The following SNX13 variants were observed in gnomAD, a reference collection of about 807,000 sequenced individuals.
SNX13 encodes sorting nexin-13.
In SNX13, 45 loss-of-function variants were observed where a neutral mutation model predicts 133.6. That is an observed-to-expected ratio of 0.34 (90% CI 0.27 to 0.43). The LOEUF is 0.43. Among genes scored for constraint, SNX13 ranks in the 20% least tolerant of loss-of-function variants. The pLI, the probability that SNX13 is intolerant of heterozygous loss-of-function variation, is 1.00. For synonymous variants in SNX13, 414 were observed against 373.9 expected (o/e 1.11, Z -1.24); for missense variants, 1,032 against 1,145.1 (o/e 0.90, Z 1.43).
intron 20 of SNX13, among the ~76,000 whole-genome samples, chr7:17,809,400 G>T (rs1023326176): frequency 6.6e-6 from 1 of 151,722 alleles, no homozygotes; most frequent in Non-Finnish European, 1.5e-5. Context: ...ATTACATAAT[G>T]GTAAAGGGAT....
At chr7:17,802,390 G>GT (rs1477655766) in intron 21 of SNX13, among the ~76,000 whole-genome samples, 1 of 152,064 alleles carries the variant, frequency 6.6e-6, no homozygotes, top group Middle Eastern at 3.2e-3. Flanking sequence ...ATGTTAATAT[G>GT]TTTAAGAAAT....
chr7:17,906,443 C>T (rs1798406396), intron 1 of SNX13, among the ~76,000 whole-genome samples: 2 of 151,760 alleles, frequency 1.3e-5, no homozygotes, highest in South Asian at 2.1e-4. Flanking sequence ...ATGTACCACA[C>T]AATTTAAAAA....
At chr7:17,898,907 A>T (rs1583681538) in intron 1 of SNX13, 1 of 152,174 alleles carries the variant, frequency 6.6e-6, no homozygotes, top group East Asian at 1.9e-4. Context: ...GGCCACTTTT[A>T]TCTTTTAACC....
intron 10 of SNX13, 71 bp from the exon 11 acceptor site, chr7:17,850,506 T>TA: frequency 1.1e-6 from 1 of 910,116 alleles, no homozygotes; most frequent in Non-Finnish European, 1.6e-6. Flanking sequence ...ATGCACTTAC[T>TA]GTAATTTAAC....
At chr7:17,936,672 A>C (rs1156424342) in intron 1 of SNX13, among the ~76,000 whole-genome samples, 1 of 152,190 alleles carries the variant, frequency 6.6e-6, no homozygotes, top group Non-Finnish European at 1.5e-5. Context: ...TCCTGGTATC[A>C]AGAAAAGTTT....
At chr7:17,899,584 A>C (rs1316774017) in intron 1 of SNX13, 1 of 151,654 alleles carries the variant, frequency 6.6e-6, no homozygotes, top group Non-Finnish European at 1.5e-5. Flanking sequence ...AATTCTGTTA[A>C]GAAATTCTGA....
chr7:17,803,632 T>A, intron 20 of SNX13, 52 bp from the exon 21 acceptor site: 3 of 1,494,056 alleles, frequency 2.0e-6, no homozygotes, highest in Non-Finnish European at 2.7e-6. Context: ...AGAGTTGTTA[T>A]CCAAATGACA....
intron 8 of SNX13, among the ~76,000 whole-genome samples, chr7:17,871,677 C>G (rs73308188): frequency 6.6e-6 from 1 of 152,170 alleles, no homozygotes; most frequent in African/African-American, 2.4e-5. Context: ...AATTTTCCAT[C>G]CACTGATCCC....
chr7:17,899,363 G>C lies in SNX13; in HGVS notation c.13-1917C>G, dbSNP rs1410800875. On this transcript the variant is annotated intron_variant, in intron 1 of 25. Transcript: ENST00000428135. Reference sequence around the variant, plus strand: ...TATTGATATCTTTTACTAGGTTTGAGAGGCTCTCTGTTATTATCTATCTGA... The same window carrying C: ...TATTGATATCTTTTACTAGGTTTGACAGGCTCTCTGTTATTATCTATCTGA... 3.9e-5 allele frequency: 6 copies of C among 152,168 alleles called. No homozygotes were observed. In the South Asian group the frequency reaches 1.0e-3, roughly 26 times the overall value. The allele number at this position is 152,168 out of a possible 1,614,324, so 9.4% of individuals were successfully genotyped here. A position where few individuals can be genotyped will look rare whatever the true frequency, so the allele number is the denominator to read the frequency against.
Position 17,799,098 on chromosome 7 carries a change from G to T in SNX13, c.2355C>A (p.Asp785Glu). 3 of 1,610,590 alleles carry T rather than the reference G, an allele frequency of 1.9e-6. No individual in the cohort carries two copies. Among genetic ancestry groups the T allele is most frequent in the Non-Finnish European group, 2.5e-6 (3 of 1,177,832 alleles). The change falls in exon 23 of 26, where the codon GAC (aspartate) becomes GAA (glutamate). Residue 785 changes from aspartate to glutamate, a missense_variant. Transcript: ENST00000428135. ...GCAACCACTGATTTCTTTCTTTTAA[G>T]TCGAATACTTCATCCATGAGAAGCA... ...VMLLLMDEVF[D>E]LKERNQWLRR...
At chr7:17,868,331 A>T (rs1583550564) in intron 9 of SNX13, 76 bp downstream of exon 9, 1 of 990,608 alleles carries the variant, frequency 1.0e-6, no homozygotes, top group East Asian at 2.6e-5. Context: ...CTGCTTAAAC[A>T]CCCTATCTCC....
intron 19 of SNX13, 134 bp from the exon 20 acceptor site, chr7:17,815,078 C>T: frequency 1.0e-6 from 1 of 958,008 alleles, no homozygotes; most frequent in Non-Finnish European, 1.4e-6. Context: ...TTTTAAAAAC[C>T]CAATTATACA....
rs899951370 is a variant in SNX13, at chr7:17,855,985, G to A, written c.838-5021C>T. On this transcript the variant is annotated intron_variant, in intron 9 of 25. Transcript: ENST00000428135. ...TATGAATATTCATGATTCATGGGAT[G>A]AGGTCAAATATCAACATTCACAGAA... Among the ~76,000 whole-genome samples the A allele has an allele frequency of 1.2e-4, 19 of 152,282 alleles. No individual in the cohort carries two copies. The South Asian group carries it at 1.7e-3, about 13-fold the overall frequency.
At chr7:17,832,465 G>C in intron 15 of SNX13, 1 of 984,122 alleles carries the variant, frequency 1.0e-6, no homozygotes, top group Non-Finnish European at 1.2e-6. Context: ...CTCTTTCTGA[G>C]TCACCTAGCA....
chr7:17,846,655 A>C (rs1021143696), intron 11 of SNX13, among the ~76,000 whole-genome samples: 3 of 151,930 alleles, frequency 2.0e-5, no homozygotes, highest in Non-Finnish European at 4.4e-5. Context: ...ATAAAGGAAA[A>C]TGTAGAGAAT....
chr7:17,929,990 C>T (rs1045873875), intron 1 of SNX13, among the ~76,000 whole-genome samples: 1 of 152,122 alleles, frequency 6.6e-6, no homozygotes. Flanking sequence ...AATCAAAGAA[C>T]ACTAAAACAA....
intron 1 of SNX13, among the ~76,000 whole-genome samples, chr7:17,916,527 C>T (rs1054141134): frequency 3.3e-5 from 5 of 152,082 alleles, no homozygotes; most frequent in African/African-American, 9.7e-5. Flanking sequence ...CTATAAACAT[C>T]TGTATGTACA....
intron 9 of SNX13, among the ~76,000 whole-genome samples, chr7:17,863,817 C>G (rs1451609658): frequency 6.6e-6 from 1 of 152,212 alleles, no homozygotes; most frequent in East Asian, 1.9e-4. Context: ...GGCAGCATTA[C>G]ACAGAAACAG....
At chr7:17,801,798 A>T in intron 21 of SNX13, 139 bp from the exon 22 acceptor site, 1 of 542,256 alleles carries the variant, frequency 1.8e-6, no homozygotes. Flanking sequence ...AACAATCTAA[A>T]ATTTGGAACC....
Sources: allele counts gnomAD v4.1 joint callset (sites outside exome capture counted in the v4.1 genomes callset), GRCh38; gene constraint gnomAD v4.1.1; transcripts MANE v1.5; gene names NCBI Gene and HGNC (gene_info 2026-07-23, HGNC 2026-07-21).